KBTBD4: variants seen among roughly 807,000 people sequenced by gnomAD.
KBTBD4 encodes the protein kelch repeat and BTB domain-containing protein 4.
KBTBD4 carries 30 observed loss-of-function variants against 43.9 expected under a neutral mutation model. That is an observed-to-expected ratio of 0.68 (90% CI 0.51 to 0.93). The LOEUF (loss-of-function observed/expected upper bound fraction) is 0.93, where lower values mean the gene tolerates loss of function less well. Ranked by LOEUF, KBTBD4 falls within the 40% of genes least tolerant of loss-of-function variation. The pLI is 0.00. For missense variants in KBTBD4, 575 were observed against 668.8 expected, an observed-to-expected ratio of 0.86 and a Z score of 1.55; for synonymous variants, 258 against 256.9, an observed-to-expected ratio of 1.00 and a Z score of -0.04.
chr11:47,574,270 GCAGAT>G (rs1465887109), intron 3 of KBTBD4, among the ~76,000 whole-genome samples: 1 of 152,168 alleles, frequency 6.6e-6, no homozygotes, highest in African/African-American at 2.4e-5. Flanking sequence ...GCCGAGGTGG[GCAGAT>G]CACCTAAGCT....
intron 2 of KBTBD4, among the ~76,000 whole-genome samples, 172 bp from the exon 3 acceptor site, chr11:47,575,871 T>TC (rs1434008927): frequency 3.3e-5 from 5 of 151,540 alleles, no homozygotes; most frequent in East Asian, 3.9e-4. Flanking sequence ...TTTTTTTTTT[T>TC]TTTGAGGCAG....
Position 47,572,877 on chromosome 11 carries a change from G to C in KBTBD4, c.*53C>G. 1 of 1,559,832 alleles carries C rather than the reference G, an allele frequency of 6.4e-7. No individual in the cohort carries two copies. The highest frequency in any genetic ancestry group is 8.7e-7 in the Non-Finnish European group (1 of 1,151,796). On this transcript the variant is annotated 3_prime_UTR_variant, in exon 4 of 4. Transcript: ENST00000430070. ...TGAATTGGGGCCCAGGGGACTTTGAGTTTGTATGGGGAGGGAAAAGGAGTG... is the reference window on the plus strand; with the variant it reads ...TGAATTGGGGCCCAGGGGACTTTGACTTTGTATGGGGAGGGAAAAGGAGTG...
chr11:47,578,314 C>T, intron 1 of KBTBD4: 1 of 579,360 alleles, frequency 1.7e-6, no homozygotes, highest in South Asian at 2.2e-5. Flanking sequence ...TAACAAAAGA[C>T]TTGGGATTTA....
At chr11:47,578,561 C>T (rs974603039) in intron 1 of KBTBD4, 1 of 700,234 alleles carries the variant, frequency 1.4e-6, no homozygotes, top group Non-Finnish European at 2.6e-6. Context: ...TTCTGAGCTG[C>T]TTCCCCCACA....
chr11:47,577,622 C>G lies in KBTBD4; in HGVS notation c.426G>C (p.Gln142His). 1 of 1,614,136 alleles carries G rather than the reference C, an allele frequency of 6.2e-7. No individual in the cohort carries two copies. Among genetic ancestry groups the G allele is most frequent in the Non-Finnish European group, 8.5e-7 (1 of 1,179,984 alleles). Residue 142 changes from glutamine (Q) to histidine (H), a missense_variant, in exon 2 of 4, where the codon CAG becomes CAC. By Grantham distance (24) the Gln-to-His change is conservative. Transcript: ENST00000430070. The stretch of plus-strand genomic sequence containing the variant: ...AGCATTCCTCAAAGAGAGATGTCAG[C>G]TGATACATGTCTGACACCTCATAAA... The part of the protein sequence containing the change: ...QEIYEVSDMY[Q>H]LTSLFEECSR...
At chr11:47,577,181 ATGT>A (rs747535743) in intron 2 of KBTBD4, among the ~76,000 whole-genome samples, 36 of 152,298 alleles carry the variant, frequency 2.4e-4, no homozygotes, top group Non-Finnish European at 4.7e-4. Flanking sequence ...GTGTGGTTAA[ATGT>A]TGTGCTTTAA....
At chr11:47,577,069 A>G (rs1359215087) in intron 2 of KBTBD4, among the ~76,000 whole-genome samples, 1 of 152,182 alleles carries the variant, frequency 6.6e-6, no homozygotes, top group Admixed American at 6.6e-5. Context: ...TTAGTCTTAG[A>G]TATCTTGCCC....
Position 47,573,931 on chromosome 11 carries a change from CT to C in KBTBD4, c.745-142del. ...TCTCTAATTACTGTATGGCATCCAACTCTCCTCTAGTCACTTTCTTTGAGGC... is the reference window on the plus strand; with the variant it reads ...TCTCTAATTACTGTATGGCATCCAACCTCCTCTAGTCACTTTCTTTGAGGC... On this transcript the variant is annotated intron_variant, in intron 3 of 3. Coordinates refer to ENST00000430070, the MANE Select transcript of KBTBD4 (RefSeq NM_018095.6). The surrounding 1 kb of genome is among the most constrained non-coding windows in gnomAD (Gnocchi z 4.1). The C allele has an allele frequency of 1.3e-6, 1 of 753,944 alleles. No homozygotes were observed. Among genetic ancestry groups the C allele is most frequent in the Non-Finnish European group, 2.1e-6 (1 of 472,094 alleles). 46.7% of individuals were successfully genotyped at this position (753,944 alleles called of 1,614,324 possible). A position where few individuals can be genotyped will look rare whatever the true frequency, so the allele number is the denominator to read the frequency against.
chr11:47,576,756 A>G (rs2097260418), intron 2 of KBTBD4, among the ~76,000 whole-genome samples: 1 of 149,300 alleles, frequency 6.7e-6, no homozygotes. Context: ...GGCTCACTGC[A>G]ACCTCTGCCT....
At chr11:47,578,293 T>C in intron 1 of KBTBD4, 1 of 583,850 alleles carries the variant, frequency 1.7e-6, no homozygotes, top group Non-Finnish European at 3.0e-6. Flanking sequence ...AATAATTCCT[T>C]TCCATAATGT....
intron 3 of KBTBD4, among the ~76,000 whole-genome samples, chr11:47,575,250 T>C (rs2153793784): frequency 6.7e-6 from 1 of 149,736 alleles, no homozygotes; most frequent in East Asian, 2.0e-4. Flanking sequence ...GGCTCATGCC[T>C]GTAATCCCAG....
chr11:47,574,711 G>A (rs1201814100), intron 3 of KBTBD4, among the ~76,000 whole-genome samples: 1 of 151,690 alleles, frequency 6.6e-6, no homozygotes, highest in Non-Finnish European at 1.5e-5. Context: ...ACAATTATCT[G>A]GGCGTGGTCG....
Position 47,577,935 on chromosome 11 carries a change from T to C in KBTBD4, c.113A>G (p.Lys38Arg), listed in dbSNP as rs753022783. The C allele has an allele frequency of 3.1e-6, 5 of 1,614,188 alleles. No homozygotes were observed. The highest frequency in any genetic ancestry group is 4.2e-6 in the Non-Finnish European group (5 of 1,180,038). ...DENYFVNYTFKDRSHSGRVAQ... is the reference protein window; with the variant it reads ...DENYFVNYTFRDRSHSGRVAQ... ...CACACGGCCTGAATGTGACCGATCT[T>C]TGAAAGTGTAGTTCACAAAGTAGTT... Residue 38 changes from lysine to arginine, a missense_variant, in exon 2 of 4, where the codon AAA becomes AGA. Lys to Arg is a conservative substitution (Grantham distance 26). Coordinates refer to ENST00000430070, the MANE Select transcript of KBTBD4 (RefSeq NM_018095.6).
rs576399268 is a variant in KBTBD4, at chr11:47,578,421, C to T, written c.20-393G>A. The T allele has an allele frequency of 3.9e-4, 220 of 568,254 alleles. No individual in the cohort carries two copies. In the African/African-American group the frequency reaches 4.0e-3, roughly 10 times the overall value. The allele number at this position is 568,254 out of a possible 1,614,324, so 35.2% of individuals were successfully genotyped here. On this transcript the variant is annotated intron_variant, in intron 1 of 3. Transcript: ENST00000430070. ...GCATAAAACTAGTGAAGCTCAGGGGCAGTAGAATCAGACAAAAAGGACCCC... is the reference window on the plus strand; with the variant it reads ...GCATAAAACTAGTGAAGCTCAGGGGTAGTAGAATCAGACAAAAAGGACCCC...
chr11:47,578,282 G>C, intron 1 of KBTBD4: 1 of 589,538 alleles, frequency 1.7e-6, no homozygotes, highest in Non-Finnish European at 3.0e-6. Context: ...AGAAAACACG[G>C]AATAATTCCT....
intron 2 of KBTBD4, among the ~76,000 whole-genome samples, chr11:47,577,095 T>C (rs1320965297): frequency 3.9e-5 from 6 of 152,270 alleles, no homozygotes; most frequent in African/African-American, 1.2e-4. Flanking sequence ...CCAATTTACA[T>C]AGGTAATTAG....
intron 1 of KBTBD4, chr11:47,578,346 G>A: frequency 1.8e-6 from 1 of 570,096 alleles, no homozygotes; most frequent in Admixed American, 3.4e-5. Context: ...GAAAGCAAAG[G>A]GCTGGGAGAG....
chr11:47,575,739 G>T, intron 2 of KBTBD4, 40 bp from the exon 3 acceptor site: 1 of 1,329,644 alleles, frequency 7.5e-7, no homozygotes, highest in Non-Finnish European at 1.1e-6. Context: ...ATGACAATCC[G>T]AAAGAGAAAT....
rs750461330 is a variant in KBTBD4, at chr11:47,577,750, G to A, written c.298C>T (p.Arg100Trp). 20 of 1,614,020 alleles carry A rather than the reference G, an allele frequency of 1.2e-5. No homozygotes were observed. Among genetic ancestry groups the A allele is most frequent in the Admixed American group, 3.3e-5 (2 of 59,990 alleles). The change falls in exon 2 of 4, where the codon CGG becomes TGG. Residue 100 changes from arginine (R) to tryptophan (W), a missense_variant. Transcript: ENST00000430070. ...CTGACATCCTGCAGCACAATCACCC[G>A]GTTGTGGGCCTCCTTCAGGTTGGAA... ...FTSNLKEAHNRVIVLQDVSES... is the reference protein window; with the variant it reads ...FTSNLKEAHNWVIVLQDVSES...
Sources: allele counts gnomAD v4.1 joint callset (sites outside exome capture counted in the v4.1 genomes callset), GRCh38; gene constraint gnomAD v4.1.1; non-coding constraint Gnocchi (gnomAD v3.1); transcripts MANE v1.5; gene names NCBI Gene and HGNC (gene_info 2026-07-23, HGNC 2026-07-21).